Variants in NKAIN2 observed in about 807,000 individuals in gnomAD.
The protein encoded by NKAIN2 is sodium/potassium-transporting ATPase subunit beta-1-interacting protein 2.
In NKAIN2, 14 loss-of-function variants were observed where a neutral mutation model predicts 32.6. The observed-to-expected ratio is 0.43, with a 90% CI of 0.28 to 0.67. The LOEUF (loss-of-function observed/expected upper bound fraction) is 0.67. Among genes scored for constraint, NKAIN2 ranks in the 30% least tolerant of loss-of-function variants. NKAIN2 has a pLI of 0.17. For missense variants in NKAIN2, 198 were observed against 258.3 expected, an observed-to-expected ratio of 0.77 and a Z score of 1.60; for synonymous variants, 80 against 87.2, an observed-to-expected ratio of 0.92 and a Z score of 0.46.
chr6:123,845,949 A>G (rs146637623), intron 1 of NKAIN2, among the ~76,000 whole-genome samples: 133 of 152,224 alleles, frequency 8.7e-4, no homozygotes, highest in Non-Finnish European at 1.6e-3. Context: ...TAAATACTCT[A>G]TATTTTTATT....
intron 3 of NKAIN2, among the ~76,000 whole-genome samples, chr6:124,404,299 A>G (rs988218442): frequency 1.4e-4 from 22 of 152,014 alleles, no homozygotes; most frequent in African/African-American, 5.3e-4. Context: ...TCAGGTCCCA[A>G]CCCAAAAGAG....
chr6:124,823,323 G>C lies in NKAIN2; in HGVS notation c.*94G>C. 7.0e-6 allele frequency: 6 copies of C among 854,124 alleles called. No homozygotes were observed. 52.9% of individuals were successfully genotyped at this position (854,124 alleles called of 1,614,324 possible). On this transcript the variant is annotated 3_prime_UTR_variant, in exon 7 of 7. Transcript: ENST00000368417. ...TTCATGAAGAGCAAGAAGCAACTGA[G>C]TTTAAATACATACACGTATTAACAA...
At chr6:123,967,506 A>G (rs1170627602) in intron 1 of NKAIN2, among the ~76,000 whole-genome samples, 1 of 152,094 alleles carries the variant, frequency 6.6e-6, no homozygotes, top group Non-Finnish European at 1.5e-5. Flanking sequence ...ATCTTATCCT[A>G]CCAATAATTG....
intron 4 of NKAIN2, among the ~76,000 whole-genome samples, chr6:124,676,468 G>T (rs1773360208): frequency 6.6e-6 from 1 of 152,112 alleles, no homozygotes; most frequent in South Asian, 2.1e-4. Context: ...TCTCCCTTCA[G>T]TTCGTCAGTA....
chr6:124,324,489 C>T (rs1336596237), intron 2 of NKAIN2, among the ~76,000 whole-genome samples: 1 of 151,944 alleles, frequency 6.6e-6, no homozygotes. Context: ...TTGTGAATTT[C>T]TTCTGAATTC....
chr6:124,393,342 A>ATT lies in NKAIN2; in HGVS notation c.273+38006_273+38007dup, dbSNP rs5879732. Among the ~76,000 whole-genome samples, 879 of 149,092 alleles carry ATT rather than the reference A, an allele frequency of 5.9e-3. 12 individuals carry two copies. Among genetic ancestry groups the ATT allele is most frequent in the African/African-American group, 0.019 (777 of 40,740 alleles). On this transcript the variant is annotated intron_variant, in intron 3 of 6. Coordinates refer to ENST00000368417, the MANE Select transcript of NKAIN2 (RefSeq NM_001040214.3). Reference sequence around the variant, plus strand: ...AATAATTATTCATGTCACTTATAGAATTTTTTTTTTTTGGAAATTTCTCAT... The same window carrying ATT: ...AATAATTATTCATGTCACTTATAGAATTTTTTTTTTTTTTGGAAATTTCTCAT...
At chr6:124,589,231 A>G (rs1029359476) in intron 3 of NKAIN2, among the ~76,000 whole-genome samples, 6 of 152,194 alleles carry the variant, frequency 3.9e-5, no homozygotes, top group African/African-American at 7.2e-5. Context: ...AAAGGAGTAC[A>G]CTGAAGCACT....
chr6:124,382,375 G>A (rs1211306838), intron 3 of NKAIN2, among the ~76,000 whole-genome samples: 1 of 152,048 alleles, frequency 6.6e-6, no homozygotes, highest in African/African-American at 2.4e-5. Context: ...CAACAGTCAG[G>A]CACCTAGACA....
chr6:124,166,228 A>G (rs1788533511), intron 1 of NKAIN2, among the ~76,000 whole-genome samples: 1 of 145,920 alleles, frequency 6.9e-6, no homozygotes, highest in Non-Finnish European at 1.5e-5. Flanking sequence ...GTGAGATGGT[A>G]TCTCATTGTG....
At position 124,057,665 on chromosome 6, in the gene NKAIN2, A is replaced by G. The variant is rs560923769; in HGVS notation, c.55-225340A>G. Reference sequence around the variant, plus strand: ...TTTTTTTTTTTAATCCATCTGTACTATCAAAATAGACAGCCACTGTTAAAT... The same window carrying G: ...TTTTTTTTTTTAATCCATCTGTACTGTCAAAATAGACAGCCACTGTTAAAT... On this transcript the variant is annotated intron_variant, in intron 1 of 6. Coordinates refer to ENST00000368417, the MANE Select transcript of NKAIN2 (RefSeq NM_001040214.3). Among the ~76,000 whole-genome samples the G allele has an allele frequency of 5.3e-5, 8 of 150,922 alleles. No individual in the cohort carries two copies. In the South Asian group the frequency reaches 1.7e-3, roughly 32 times the overall value.
intron 1 of NKAIN2, among the ~76,000 whole-genome samples, chr6:124,140,138 C>T (rs1321287598): frequency 5.3e-5 from 8 of 152,114 alleles, no homozygotes; most frequent in Non-Finnish European, 1.0e-4. Context: ...AATGATGAAA[C>T]ACAGCATAGC....
At chr6:123,856,064 A>G (rs1395768525) in intron 1 of NKAIN2, among the ~76,000 whole-genome samples, 2 of 152,230 alleles carry the variant, frequency 1.3e-5, no homozygotes, top group Non-Finnish European at 2.9e-5. Context: ...GATGTTGCCT[A>G]TATCCTTGAT....
chr6:124,006,171 T>TGA (rs1164420941), intron 1 of NKAIN2, among the ~76,000 whole-genome samples: 2 of 152,136 alleles, frequency 1.3e-5, no homozygotes, highest in African/African-American at 4.8e-5. Flanking sequence ...ACTTGAGAAA[T>TGA]GAGATGCACT....
At chr6:124,651,901 A>G (rs1023202199) in intron 3 of NKAIN2, among the ~76,000 whole-genome samples, 5 of 152,210 alleles carry the variant, frequency 3.3e-5, no homozygotes, top group African/African-American at 1.2e-4. Flanking sequence ...GTACTTGGCC[A>G]TACCCTTGGA....
chr6:123,992,619 G>A (rs1779459830), intron 1 of NKAIN2, among the ~76,000 whole-genome samples: 1 of 152,140 alleles, frequency 6.6e-6, no homozygotes, highest in African/African-American at 2.4e-5. Flanking sequence ...AATTTGAAGG[G>A]ACAAGATATA....
chr6:124,515,177 C>T (rs984984486), intron 3 of NKAIN2, among the ~76,000 whole-genome samples: 14 of 152,018 alleles, frequency 9.2e-5, no homozygotes, highest in Admixed American at 3.3e-4. Flanking sequence ...CAAATTAAAC[C>T]ATGCCCTCTG....
At chr6:124,057,904 C>T (rs868522105) in intron 1 of NKAIN2, among the ~76,000 whole-genome samples, 4 of 151,952 alleles carry the variant, frequency 2.6e-5, no homozygotes, top group Non-Finnish European at 4.4e-5. Flanking sequence ...GTGACTTACC[C>T]AGTTCTTGCT....
chr6:124,279,127 C>G (rs189763311), intron 1 of NKAIN2, among the ~76,000 whole-genome samples: 1 of 152,034 alleles, frequency 6.6e-6, no homozygotes, highest in Non-Finnish European at 1.5e-5. Flanking sequence ...TTTTACTGAA[C>G]AGCTATGCAG....
At chr6:124,260,233 A>G (rs897012993) in intron 1 of NKAIN2, among the ~76,000 whole-genome samples, 186 of 152,328 alleles carry the variant, frequency 1.2e-3, no homozygotes, top group African/African-American at 4.3e-3. Flanking sequence ...ATAGAGAAAA[A>G]TCTCAGCCTT....
Sources: allele counts gnomAD v4.1 joint callset (sites outside exome capture counted in the v4.1 genomes callset), GRCh38; gene constraint gnomAD v4.1.1; transcripts MANE v1.5; gene names NCBI Gene and HGNC (gene_info 2026-07-23, HGNC 2026-07-21).